ASIP: variants seen among roughly 807,000 people sequenced by gnomAD.
The protein encoded by ASIP is agouti signaling protein, also known as agouti-signaling protein.
A neutral mutation model predicts 10.3 loss-of-function variants in ASIP; 11 were observed. The observed-to-expected ratio is 1.07, with a 90% CI of 0.68 to 1.78. ASIP has a LOEUF of 1.78. Ranked by LOEUF, ASIP falls within the 40% of genes most tolerant of loss-of-function variation. The probability of loss-of-function intolerance (pLI) is 0.00; values close to 1 mark genes in which losing one functional copy is unlikely to be tolerated. For missense variants in ASIP, 180 were observed against 169.2 expected (o/e 1.06, Z -0.35); for synonymous variants, 70 against 70.8 (o/e 0.99, Z 0.06).
At chr20:34,257,104 G>A (rs377409650) in intron 1 of ASIP, among the ~76,000 whole-genome samples, 1 of 70,774 alleles carries the variant, frequency 1.4e-5, no homozygotes, top group East Asian at 3.6e-4. Flanking sequence ...TTTGTTTTTT[G>A]AGACAGTTTC....
At chr20:34,255,877 A>G (rs2035559354) in intron 1 of ASIP, among the ~76,000 whole-genome samples, 1 of 152,132 alleles carries the variant, frequency 6.6e-6, no homozygotes, top group Non-Finnish European at 1.5e-5. Flanking sequence ...TACTTAGCAG[A>G]CCGAGAAAGG....
intron 1 of ASIP, among the ~76,000 whole-genome samples, chr20:34,226,918 C>T (rs2035097158): frequency 6.6e-6 from 1 of 152,112 alleles, no homozygotes; most frequent in Admixed American, 6.5e-5. Context: ...CAAATGTTTT[C>T]TTCTACAATA....
intron 1 of ASIP, among the ~76,000 whole-genome samples, chr20:34,206,029 G>A (rs7345840): frequency 0.12 from 17,692 of 152,136 alleles, 3,412 homozygotes; most frequent in African/African-American, 0.4. Context: ...GTCTTGCTCT[G>A]TCACCCAGGC....
intron 1 of ASIP, among the ~76,000 whole-genome samples, chr20:34,256,846 T>A (rs897538727): frequency 2.6e-5 from 4 of 152,102 alleles, no homozygotes; most frequent in African/African-American, 9.7e-5. Context: ...AGTGGTACAA[T>A]CACAGCTCAC....
rs1420910077 is a variant in ASIP at position 34,230,849 on chromosome 20, G to A, written c.-10-29516G>A. Among the ~76,000 whole-genome samples, 87 of 24,616 alleles carry A rather than the reference G, an allele frequency of 3.5e-3. 30 individuals are homozygous for A. In the African/African-American group the frequency reaches 0.038, roughly 11 times the overall value. The allele number at this position is 24,616 out of a possible 152,430, so 16.1% of individuals were successfully genotyped here. ...TCACTTCCCAGATGGGGTGGCTGCC[G>A]GGCGGAGAGGCTCCTCACTTCTCAG... On this transcript the variant is annotated intron_variant, in intron 1 of 3. Transcript: ENST00000568305.
At chr20:34,247,672 A>C (rs1179494159) in intron 1 of ASIP, among the ~76,000 whole-genome samples, 1 of 151,084 alleles carries the variant, frequency 6.6e-6, no homozygotes, top group Middle Eastern at 3.3e-3. Flanking sequence ...GCAGTGGCAC[A>C]AACACAGCTC....
intron 3 of ASIP, among the ~76,000 whole-genome samples, chr20:34,268,125 A>G (rs2035819961): frequency 6.6e-6 from 1 of 152,218 alleles, no homozygotes; most frequent in Non-Finnish European, 1.5e-5. Flanking sequence ...TTAAAATTAA[A>G]TTTGAAAATT....
At chr20:34,263,298 C>T (rs1345660217) in intron 3 of ASIP, among the ~76,000 whole-genome samples, 1 of 152,206 alleles carries the variant, frequency 6.6e-6, no homozygotes, top group East Asian at 1.9e-4. Context: ...GATGCGGTGG[C>T]TCACGCCTAT....
chr20:34,255,351 G>A (rs950555350), intron 1 of ASIP, among the ~76,000 whole-genome samples: 2 of 151,254 alleles, frequency 1.3e-5, no homozygotes, highest in African/African-American at 4.9e-5. Context: ...TTCTTTTTTG[G>A]TATGATCACA....
At chr20:34,196,617 C>T (rs1338103157) in intron 1 of ASIP, among the ~76,000 whole-genome samples, 8 of 152,096 alleles carry the variant, frequency 5.3e-5, no homozygotes, top group African/African-American at 1.9e-4. Flanking sequence ...TGAGAAAAAC[C>T]TGACTTGTGT....
At chr20:34,258,772 A>AC (rs2035632459) in intron 1 of ASIP, among the ~76,000 whole-genome samples, 2 of 99,178 alleles carry the variant, frequency 2.0e-5, no homozygotes, top group African/African-American at 7.8e-5. Flanking sequence ...TATATATAAT[A>AC]TATATAGTAT....
intron 1 of ASIP, among the ~76,000 whole-genome samples, chr20:34,258,335 C>T (rs1295049062): frequency 4.3e-5 from 6 of 140,944 alleles, no homozygotes; most frequent in East Asian, 4.0e-4. Context: ...ATAGGGTCTC[C>T]GTTGGATATT....
In ASIP at chr20:34,249,581, A is replaced by G. The variant is rs4911415; in HGVS notation, c.-11+8092A>G. 1.8e-3 allele frequency among the ~76,000 whole-genome samples: 280 copies of G among 152,258 alleles called. 4 individuals carry two copies. The highest frequency in any genetic ancestry group is 0.018 in the East Asian group (91 of 5,180). ...CACCAGGCCTCGTGCTTAAAGGGCC[A>G]ATGGCTTGGTTTAATGCTCTCCTGT... On this transcript the variant is annotated intron_variant, in intron 1 of 3. Transcript: ENST00000374954.
chr20:34,187,242 A>G, the ASIP span, among the ~76,000 whole-genome samples: 691 of 152,306 alleles, frequency 4.5e-3, 10 homozygotes, highest in African/African-American at 0.016. Context: ...TTCTGGTGGT[A>G]GTCCTAAATT....
chr20:34,239,440 C>T (rs2035254913), upstream of ASIP, among the ~76,000 whole-genome samples: 1 of 152,226 alleles, frequency 6.6e-6, no homozygotes, highest in African/African-American at 2.4e-5. Flanking sequence ...TCTTCTCGAA[C>T]TCCTGACCTC....
At chr20:34,190,465 C>T (rs2034818091), upstream of ASIP, among the ~76,000 whole-genome samples, 1 of 152,130 alleles carries the variant, frequency 6.6e-6, no homozygotes, top group Non-Finnish European at 1.5e-5. Flanking sequence ...CTCATCTGTT[C>T]CCCTGGTTTT....
chr20:34,224,017 G>A (rs1485878738), intron 1 of ASIP, among the ~76,000 whole-genome samples: 3 of 122,084 alleles, frequency 2.5e-5, no homozygotes, highest in African/African-American at 9.3e-5. Context: ...ATGCTTGAAG[G>A]CAGCATGCTC....
At chr20:34,206,555 A>G (rs1388680377) in intron 1 of ASIP, among the ~76,000 whole-genome samples, 1 of 152,094 alleles carries the variant, frequency 6.6e-6, no homozygotes, top group Non-Finnish European at 1.5e-5. Context: ...TCCACTGTAT[A>G]CATATACCAC....
intron 1 of ASIP, among the ~76,000 whole-genome samples, chr20:34,200,753 T>A (rs1255096027): frequency 6.6e-6 from 1 of 152,182 alleles, no homozygotes; most frequent in Non-Finnish European, 1.5e-5. Flanking sequence ...GAATAATTTT[T>A]CAGCTTTTGC....
Sources: gnomAD v4.1 joint callset for allele counts (sites outside exome capture counted in the v4.1 genomes callset) on GRCh38, gnomAD v4.1.1 for gene constraint, MANE v1.5 for transcripts, NCBI Gene and HGNC (gene_info 2026-07-23, HGNC 2026-07-21) for gene names.